ZBTB20: variants seen among roughly 807,000 people sequenced by gnomAD.
ZBTB20 encodes zinc finger and BTB domain containing 20.
Under a neutral mutation model 56.9 loss-of-function variants are expected in ZBTB20, and 9 were observed. The observed-to-expected ratio is 0.16, with a 90% CI of 0.10 to 0.28. ZBTB20 has a LOEUF of 0.28. ZBTB20 is among the 10% of genes least tolerant of loss of function. The pLI is 1.00. For missense variants in ZBTB20, 655 were observed against 1,003.0 expected, an observed-to-expected ratio of 0.65 and a Z score of 4.69; for synonymous variants, 417 against 420.7, an observed-to-expected ratio of 0.99 and a Z score of 0.11.
At chr3:114,815,899 C>T (rs1348908109) in intron 4 of ZBTB20, among the ~76,000 whole-genome samples, 1 of 152,018 alleles carries the variant, frequency 6.6e-6, no homozygotes, top group Non-Finnish European at 1.5e-5. Context: ...TTTTAGATAA[C>T]ACTCTTTTTC....
intron 5 of ZBTB20, among the ~76,000 whole-genome samples, chr3:114,769,936 G>A (rs2069080836): frequency 6.6e-6 from 1 of 151,638 alleles, no homozygotes; most frequent in African/African-American, 2.4e-5. Context: ...GTGTGCACCC[G>A]TAATCCTAGG....
At chr3:114,938,112 C>T (rs28787386) in intron 3 of ZBTB20, among the ~76,000 whole-genome samples, 1,815 of 130,948 alleles carry the variant, frequency 0.014, 68 homozygotes, top group African/African-American at 0.066. Context: ...AGTGAGACTC[C>T]ATCTCAAAAA....
intron 2 of ZBTB20, among the ~76,000 whole-genome samples, chr3:114,990,585 G>C (rs554025127): frequency 6.6e-6 from 1 of 152,260 alleles, no homozygotes; most frequent in East Asian, 1.9e-4. Context: ...TGGTGTCTCT[G>C]CCAGGCTTTG....
chr3:114,549,817 T>C (rs2050336778), intron 6 of ZBTB20, among the ~76,000 whole-genome samples: 1 of 151,828 alleles, frequency 6.6e-6, no homozygotes, highest in Non-Finnish European at 1.5e-5. Flanking sequence ...TTAAGAGGTA[T>C]ACCTTGTACC....
At chr3:114,644,678 G>C (rs2059746231) in intron 6 of ZBTB20, among the ~76,000 whole-genome samples, 1 of 152,028 alleles carries the variant, frequency 6.6e-6, no homozygotes, top group Admixed American at 6.6e-5. Flanking sequence ...CTACCTATTA[G>C]GTACTGTGCT....
intron 6 of ZBTB20, among the ~76,000 whole-genome samples, chr3:114,618,540 G>C (rs1015105168): frequency 1.3e-5 from 2 of 152,094 alleles, no homozygotes; most frequent in African/African-American, 4.8e-5. Context: ...TTATAGGTGT[G>C]AGCCACTGCA....
intron 7 of ZBTB20, among the ~76,000 whole-genome samples, chr3:114,408,479 C>T (rs754364058): frequency 6.6e-5 from 10 of 152,022 alleles, no homozygotes; most frequent in Admixed American, 2.6e-4. Flanking sequence ...AAACCTTTGA[C>T]GAAATTAGAA....
intron 2 of ZBTB20, among the ~76,000 whole-genome samples, chr3:115,052,361 G>A (rs950668112): frequency 2.0e-5 from 3 of 151,976 alleles, no homozygotes; most frequent in African/African-American, 7.3e-5. Context: ...GGAGGCTGAG[G>A]CAGGAGAATC....
In ZBTB20 at chr3:114,339,569, C is replaced by T. The variant is rs559131943; in HGVS notation, c.1805-143G>A. ...ATTTGATTGCTTAATGGATCATCCT[C>T]GTTTGGAAAAATCCAGGCCCTCCTA... On this transcript the variant is annotated intron_variant, in intron 11 of 11. Coordinates refer to ENST00000675478, the MANE Select transcript of ZBTB20 (RefSeq NM_001348800.3). The surrounding 1 kb of genome is among the most constrained non-coding windows in gnomAD (Gnocchi z 4.2). 6.6e-6 allele frequency: 7 copies of T among 1,054,914 alleles called. No homozygotes were observed. Among genetic ancestry groups the T allele is most frequent in the African/African-American group, 4.8e-5 (3 of 62,610 alleles). 65.3% of individuals were successfully genotyped at this position (1,054,914 alleles called of 1,614,324 possible). A position where few individuals can be genotyped will look rare whatever the true frequency, so the allele number is the denominator to read the frequency against.
At chr3:114,535,192 G>T (rs939965991) in intron 6 of ZBTB20, among the ~76,000 whole-genome samples, 2 of 152,134 alleles carry the variant, frequency 1.3e-5, no homozygotes, top group African/African-American at 4.8e-5. Context: ...AAAAATTGAT[G>T]AATCTAGGAG....
intron 6 of ZBTB20, among the ~76,000 whole-genome samples, chr3:114,642,728 C>T (rs920865088): frequency 3.7e-4 from 56 of 152,108 alleles, no homozygotes; most frequent in African/African-American, 1.3e-3. Flanking sequence ...CTCTACAACT[C>T]GGTGACCTTG....
intron 6 of ZBTB20, among the ~76,000 whole-genome samples, chr3:114,684,870 C>T (rs1218899570): frequency 6.6e-6 from 1 of 151,772 alleles, no homozygotes; most frequent in Non-Finnish European, 1.5e-5. Context: ...AGTGGGCAGG[C>T]CTTTAAAAAA....
intron 7 of ZBTB20, among the ~76,000 whole-genome samples, chr3:114,487,451 G>A (rs1219190272): frequency 6.6e-6 from 1 of 152,088 alleles, no homozygotes; most frequent in Non-Finnish European, 1.5e-5. Flanking sequence ...TTCCTTTCTG[G>A]ACACTGTCTA....
Position 114,316,260 on chromosome 3 carries a change from C to A in ZBTB20, c.*22745G>T. On this transcript the variant is annotated 3_prime_UTR_variant, in exon 12 of 12. Coordinates refer to ENST00000675478, the MANE Select transcript of ZBTB20 (RefSeq NM_001348800.3). ...TCGCCCATTTTTCCTTTTTCACTAA[C>A]ACTGTTCCTTTTTTTCCTTGTTACA... 6.1e-6 allele frequency: 2 copies of A among 328,786 alleles called. No homozygotes were observed. Among genetic ancestry groups the A allele is most frequent in the South Asian group, 5.0e-5 (2 of 39,682 alleles). The allele number at this position is 328,786 out of a possible 1,614,324, so 20.4% of individuals were successfully genotyped here.
chr3:115,004,737 T>C (rs1232503460), intron 2 of ZBTB20, among the ~76,000 whole-genome samples: 1 of 151,780 alleles, frequency 6.6e-6, no homozygotes, highest in Admixed American at 6.6e-5. Flanking sequence ...GACATATTTA[T>C]AATATAATTT....
intron 6 of ZBTB20, among the ~76,000 whole-genome samples, chr3:114,600,371 G>C (rs545806331): frequency 2.4e-4 from 37 of 152,028 alleles, no homozygotes; most frequent in African/African-American, 8.9e-4. Flanking sequence ...CTCTCCTCAG[G>C]CTCCTTGGTC....
At chr3:114,732,082 A>G (rs1433886601) in intron 5 of ZBTB20, among the ~76,000 whole-genome samples, 2 of 152,182 alleles carry the variant, frequency 1.3e-5, no homozygotes, top group Non-Finnish European at 2.9e-5. Flanking sequence ...GGATCATGAT[A>G]CATTGTTTTA....
At chr3:114,366,010 A>T (rs1195269773) in intron 10 of ZBTB20, among the ~76,000 whole-genome samples, 2 of 152,236 alleles carry the variant, frequency 1.3e-5, no homozygotes, top group African/African-American at 2.4e-5. Flanking sequence ...TCATTATTTT[A>T]GCTTCATTCT....
At chr3:114,731,482 T>G (rs1207828816) in intron 5 of ZBTB20, among the ~76,000 whole-genome samples, 1 of 152,230 alleles carries the variant, frequency 6.6e-6, no homozygotes, top group Non-Finnish European at 1.5e-5. Flanking sequence ...TCTGGACTCA[T>G]GTCATCTGCA....
Sources: gnomAD v4.1 joint callset for allele counts (sites outside exome capture counted in the v4.1 genomes callset) on GRCh38, gnomAD v4.1.1 for gene constraint, Gnocchi (gnomAD v3.1) non-coding constraint, MANE v1.5 for transcripts, NCBI Gene and HGNC (gene_info 2026-07-23, HGNC 2026-07-21) for gene names.